RAB27A: variants seen among roughly 807,000 people sequenced by gnomAD.
RAB27A encodes RAB27A, member RAS oncogene family, also known as ras-related protein Rab-27A.
RAB27A carries 17 observed loss-of-function variants against 20.8 expected under a neutral mutation model. That is an observed-to-expected ratio of 0.82 (90% CI 0.56 to 1.23). RAB27A has a LOEUF of 1.23. RAB27A is among the 50% of genes most tolerant of loss of function. RAB27A has a pLI of 0.00. For synonymous variants in RAB27A, 85 were observed against 92.8 expected (o/e 0.92, Z 0.48); for missense variants, 277 against 266.7 (o/e 1.04, Z -0.27).
intron 2 of RAB27A, chr15:55,237,584 C>A (rs111315912): frequency 6.6e-6 from 1 of 152,096 alleles, no homozygotes; most frequent in Non-Finnish European, 1.5e-5. Context: ...CTCCAAAAAA[C>A]GACAACTTGG....
chr15:55,271,524 C>G (rs1371315667), intron 1 of RAB27A, among the ~76,000 whole-genome samples: 1 of 152,220 alleles, frequency 6.6e-6, no homozygotes, highest in Non-Finnish European at 1.5e-5. Flanking sequence ...AGAGAATCAG[C>G]TCCTTGGCTC....
At chr15:55,216,465 G>A (rs557015806) in intron 6 of RAB27A, among the ~76,000 whole-genome samples, 1 of 152,240 alleles carries the variant, frequency 6.6e-6, no homozygotes, top group African/African-American at 2.4e-5. Flanking sequence ...ACAGGAGGCA[G>A]AGGTTGCAGT....
intron 3 of RAB27A, among the ~76,000 whole-genome samples, chr15:55,231,549 T>C (rs1229922148): frequency 2.0e-5 from 3 of 152,166 alleles, no homozygotes; most frequent in Admixed American, 6.5e-5. Flanking sequence ...ACAGTAAGCT[T>C]TGAGGTGTTT....
chr15:55,217,915 A>G (rs1402867107), intron 6 of RAB27A, among the ~76,000 whole-genome samples: 2 of 152,174 alleles, frequency 1.3e-5, no homozygotes, highest in Non-Finnish European at 2.9e-5. Context: ...AAAATAGATT[A>G]ATCACAAATT....
intron 6 of RAB27A, among the ~76,000 whole-genome samples, chr15:55,216,260 A>C (rs112075270): frequency 5.1e-4 from 78 of 152,168 alleles, no homozygotes; most frequent in Middle Eastern, 3.4e-3. Context: ...ACAGCCAGGC[A>C]CCGTGGCTCA....
chr15:55,278,451 CA>C (rs973092481), intron 1 of RAB27A, among the ~76,000 whole-genome samples: 2 of 151,608 alleles, frequency 1.3e-5, no homozygotes, highest in Non-Finnish European at 2.9e-5. Flanking sequence ...TTCATAATAG[CA>C]CCAGATTATT....
chr15:55,289,037 G>T (rs910134789), intron 1 of RAB27A: 7 of 152,446 alleles, frequency 4.6e-5, no homozygotes, highest in African/African-American at 1.7e-4. Context: ...AAGACCCTGA[G>T]GCCATGTGGG....
intron 6 of RAB27A, among the ~76,000 whole-genome samples, chr15:55,205,974 G>A (rs2140892835): frequency 6.6e-6 from 1 of 152,114 alleles, no homozygotes; most frequent in South Asian, 2.1e-4. Flanking sequence ...ACTCTGGGAG[G>A]CTCAGGTGGG....
chr15:55,294,377 C>G (rs942912447), upstream of RAB27A, among the ~76,000 whole-genome samples: 6 of 151,956 alleles, frequency 3.9e-5, no homozygotes, highest in African/African-American at 1.2e-4. Context: ...CCCTTGAGCT[C>G]AGGAATTCCA....
intron 2 of RAB27A, among the ~76,000 whole-genome samples, chr15:55,262,345 T>C (rs1897299548): frequency 6.6e-6 from 1 of 151,862 alleles, no homozygotes; most frequent in African/African-American, 2.4e-5. Flanking sequence ...ATCCAGACCA[T>C]CCTGGCTAAC....
intron 2 of RAB27A, among the ~76,000 whole-genome samples, chr15:55,249,731 G>A (rs535104760): frequency 2.6e-4 from 40 of 152,192 alleles, no homozygotes; most frequent in African/African-American, 8.9e-4. Flanking sequence ...TACTTCATCT[G>A]TTTCTAAGAA....
chr15:55,303,117 G>C (rs76253234), intron 2 of RAB27A, among the ~76,000 whole-genome samples: 1 of 125,676 alleles, frequency 8.0e-6, no homozygotes, highest in Non-Finnish European at 1.7e-5. Context: ...CAGCCGTGCC[G>C]TCCGGGAGGG....
At chr15:55,270,955 C>T (rs1161552250) in intron 1 of RAB27A, 2 of 152,260 alleles carry the variant, frequency 1.3e-5, no homozygotes, top group Non-Finnish European at 2.9e-5. Context: ...TGATGGCTCT[C>T]ATTAACTCCT....
intron 2 of RAB27A, among the ~76,000 whole-genome samples, chr15:55,296,269 G>C (rs1205565437): frequency 6.6e-6 from 1 of 151,668 alleles, no homozygotes; most frequent in Non-Finnish European, 1.5e-5. Flanking sequence ...CACTTTGGGA[G>C]GCCGAGGTGG....
At chr15:55,211,172 A>G (rs964692991) in intron 6 of RAB27A, among the ~76,000 whole-genome samples, 4 of 152,072 alleles carry the variant, frequency 2.6e-5, no homozygotes, top group African/African-American at 7.2e-5. Flanking sequence ...CTTTGTAGTA[A>G]ACTTTGAAGT....
chr15:55,261,070 C>T (rs1293362726), intron 2 of RAB27A, among the ~76,000 whole-genome samples: 1 of 152,102 alleles, frequency 6.6e-6, no homozygotes, highest in African/African-American at 2.4e-5. Flanking sequence ...ACTTTCTACT[C>T]AGTATTACTG....
chr15:55,280,751 T>C (rs931040600), intron 1 of RAB27A, among the ~76,000 whole-genome samples: 1 of 151,156 alleles, frequency 6.6e-6, no homozygotes, highest in Non-Finnish European at 1.5e-5. Flanking sequence ...AGTCAGAACA[T>C]GTGGTGTTTG....
intron 6 of RAB27A, among the ~76,000 whole-genome samples, chr15:55,206,963 A>G (rs551040384): frequency 1.3e-5 from 2 of 152,326 alleles, no homozygotes; most frequent in Non-Finnish European, 2.9e-5. Flanking sequence ...AATTCCTCAA[A>G]TGAATTAAAG....
intron 2 of RAB27A, among the ~76,000 whole-genome samples, chr15:55,244,714 G>A (rs1489673839): frequency 1.3e-5 from 2 of 152,134 alleles, no homozygotes; most frequent in African/African-American, 4.8e-5. Context: ...AGAAACAGGA[G>A]CAGATGAATA....
Sources: gnomAD v4.1 joint callset for allele counts (sites outside exome capture counted in the v4.1 genomes callset) on GRCh38, gnomAD v4.1.1 for gene constraint, MANE v1.5 for transcripts, NCBI Gene and HGNC (gene_info 2026-07-23, HGNC 2026-07-21) for gene names.